SLCO3A1: variants seen among roughly 807,000 people sequenced by gnomAD.
SLCO3A1 encodes the protein solute carrier organic anion transporter family member 3A1, also known as PGE1 transporter.
In SLCO3A1, 27 loss-of-function variants were observed where a neutral mutation model predicts 63.1. The ratio of observed to expected loss-of-function variants is 0.43; its 90% CI spans 0.32 to 0.59. The LOEUF (loss-of-function observed/expected upper bound fraction) is 0.59. Ranked by LOEUF, SLCO3A1 falls within the 20% of genes least tolerant of loss-of-function variation. SLCO3A1 has a pLI of 0.09. For missense variants in SLCO3A1, 773 were observed against 945.8 expected (o/e 0.82, Z 2.40); for synonymous variants, 473 against 409.9 (o/e 1.15, Z -1.86).
rs1201511305 is a variant in SLCO3A1 at position 91,994,386 on chromosome 15, T to G, written c.646+77928T>G. ...TATGGATATATAGAGATGTTTAAAT[T>G]ACTAGCCCAAAGTCACAGTTGGTAA... On this transcript the variant is annotated intron_variant, in intron 2 of 9. Coordinates refer to ENST00000318445, the MANE Select transcript of SLCO3A1 (RefSeq NM_013272.4). Among the ~76,000 whole-genome samples, 4 of 152,206 alleles carry G rather than the reference T, an allele frequency of 2.6e-5. No individual in the cohort carries two copies. In the East Asian group the frequency reaches 7.7e-4, roughly 29 times the overall value.
At chr15:91,930,527 T>C (rs1161522495) in intron 2 of SLCO3A1, among the ~76,000 whole-genome samples, 2 of 152,188 alleles carry the variant, frequency 1.3e-5, no homozygotes, top group African/African-American at 4.8e-5. Context: ...GATTATAGTA[T>C]TGTATTTTTG....
At position 91,856,499 on chromosome 15, in the gene SLCO3A1, GA is replaced by G. The variant is rs1205929583; in HGVS notation, c.180+2418del. ...CTTCATCTGTTATTTGGGAGATGGGGAAAAAAAGTTTGCTCCTTCAGCCATG... is the reference window on the plus strand; with the variant it reads ...CTTCATCTGTTATTTGGGAGATGGGGAAAAAAGTTTGCTCCTTCAGCCATG... On this transcript the variant is annotated intron_variant, in intron 1 of 9. Transcript: ENST00000318445. The surrounding 1 kb of genome is among the most constrained non-coding windows in gnomAD (Gnocchi z 4.9). Among the ~76,000 whole-genome samples the G allele has an allele frequency of 6.6e-6, 1 of 152,098 alleles. No individual in the cohort carries two copies. Among genetic ancestry groups the G allele is most frequent in the Non-Finnish European group, 1.5e-5 (1 of 68,004 alleles).
chr15:92,128,122 A>G (rs538707871), intron 6 of SLCO3A1, among the ~76,000 whole-genome samples: 1 of 152,260 alleles, frequency 6.6e-6, no homozygotes, highest in South Asian at 2.1e-4. Flanking sequence ...AGCTGGCATC[A>G]TTGGCCAGGG....
chr15:92,004,587 A>G (rs2046292854), intron 2 of SLCO3A1, among the ~76,000 whole-genome samples: 2 of 152,186 alleles, frequency 1.3e-5, no homozygotes, highest in Admixed American at 1.3e-4. Context: ...AAAACCAAAG[A>G]TACTCACTCC....
At chr15:92,011,423 T>C (rs973650875) in intron 2 of SLCO3A1, among the ~76,000 whole-genome samples, 1 of 152,246 alleles carries the variant, frequency 6.6e-6, no homozygotes, top group Non-Finnish European at 1.5e-5. Flanking sequence ...TACTGTCACA[T>C]GTATGGAAAC....
At chr15:92,041,564 C>G (rs2046796796) in intron 2 of SLCO3A1, among the ~76,000 whole-genome samples, 1 of 152,170 alleles carries the variant, frequency 6.6e-6, no homozygotes, top group Admixed American at 6.5e-5. Flanking sequence ...TATGTGGTCT[C>G]TTCAACCCGT....
chr15:92,088,909 A>C (rs2047437171), intron 2 of SLCO3A1, among the ~76,000 whole-genome samples: 1 of 152,152 alleles, frequency 6.6e-6, no homozygotes, highest in African/African-American at 2.4e-5. Flanking sequence ...TAGTTGCCTT[A>C]AGGGATTGGG....
At chr15:91,869,935 T>A (rs1897249463) in intron 1 of SLCO3A1, among the ~76,000 whole-genome samples, 1 of 152,158 alleles carries the variant, frequency 6.6e-6, no homozygotes. Flanking sequence ...GCTTACCTCC[T>A]GGAGGAGCAG....
chr15:91,989,797 C>G (rs2046103702), intron 2 of SLCO3A1, among the ~76,000 whole-genome samples: 1 of 152,212 alleles, frequency 6.6e-6, no homozygotes, highest in South Asian at 2.1e-4. Context: ...CATCTGTCAT[C>G]TCCATTATAT....
intron 2 of SLCO3A1, among the ~76,000 whole-genome samples, chr15:92,082,293 T>C (rs16946351): frequency 0.2 from 30,562 of 152,092 alleles, 5,441 homozygotes; most frequent in African/African-American, 0.46. Context: ...CCTGCAGATT[T>C]AAGATGTGGC....
intron 1 of SLCO3A1, among the ~76,000 whole-genome samples, chr15:91,907,283 TGCACCTCTGCCACTGGGGTTCAA>T (rs1363200508): frequency 1.3e-5 from 2 of 152,074 alleles, no homozygotes; most frequent in Non-Finnish European, 2.9e-5. Flanking sequence ...CTCAGCTCAC[TGCACCTCTGCCACTGGGGTTCAA>T]GCAATTCTCC....
In SLCO3A1 at chr15:91,853,769, G is replaced by C; in HGVS notation, c.-140G>C. The C allele has an allele frequency of 1.2e-6, 1 of 851,910 alleles. No individual in the cohort carries two copies. 52.8% of individuals were successfully genotyped at this position (851,910 alleles called of 1,614,324 possible). On this transcript the variant is annotated 5_prime_UTR_variant, in exon 1 of 10. Transcript: ENST00000318445. Reference sequence around the variant, plus strand: ...GCCTTCCACCTCTCCAGCCCCGGCAGGACGGGGGCGGCCGCCGCGAACCCG... The same window carrying C: ...GCCTTCCACCTCTCCAGCCCCGGCACGACGGGGGCGGCCGCCGCGAACCCG...
chr15:92,000,247 A>T (rs897446376), intron 2 of SLCO3A1, among the ~76,000 whole-genome samples: 2 of 152,204 alleles, frequency 1.3e-5, no homozygotes, highest in African/African-American at 4.8e-5. Flanking sequence ...ATTCATGTAT[A>T]CATACAAGCA....
intron 4 of SLCO3A1, among the ~76,000 whole-genome samples, chr15:92,117,655 CTTG>C (rs765927210): frequency 9.9e-5 from 15 of 152,172 alleles, no homozygotes; most frequent in African/African-American, 2.4e-4. Flanking sequence ...CATTGTGAAA[CTTG>C]TTGTTGTGTG....
intron 1 of SLCO3A1, among the ~76,000 whole-genome samples, chr15:91,873,243 A>G (rs1897320126): frequency 6.6e-6 from 1 of 152,196 alleles, no homozygotes; most frequent in Admixed American, 6.5e-5. Context: ...AGAGCCATCT[A>G]TTTACTGTGG....
rs552257720 is a variant in SLCO3A1 at position 92,160,888 on chromosome 15, C to CA, written c.1754-1867dup. Among the ~76,000 whole-genome samples the CA allele has an allele frequency of 1.5e-4, 23 of 152,322 alleles. No individual in the cohort carries two copies. The South Asian group carries it at 4.8e-3, about 32-fold the overall frequency. On this transcript the variant is annotated intron_variant, in intron 9 of 9. Coordinates refer to ENST00000318445, the MANE Select transcript of SLCO3A1 (RefSeq NM_013272.4). Reference sequence around the variant, plus strand: ...TGGAGGTGCTGCTGTGCTTATAATGCACATGCTGTTATTCCAGCAATCATG... The same window carrying CA: ...TGGAGGTGCTGCTGTGCTTATAATGCAACATGCTGTTATTCCAGCAATCATG...
chr15:91,926,567 G>GTA (rs1474948535), intron 2 of SLCO3A1, among the ~76,000 whole-genome samples: 4 of 91,594 alleles, frequency 4.4e-5, no homozygotes, highest in Non-Finnish European at 6.9e-5. Context: ...CCGTGTGTGT[G>GTA]TGTGTGTGTG....
chr15:91,892,598 G>T (rs1371380990), intron 1 of SLCO3A1, among the ~76,000 whole-genome samples: 1 of 152,190 alleles, frequency 6.6e-6, no homozygotes, highest in Non-Finnish European at 1.5e-5. Flanking sequence ...GCATGGAGTG[G>T]AGCTCTTATC....
At chr15:92,007,509 G>C (rs1339189802) in intron 2 of SLCO3A1, among the ~76,000 whole-genome samples, 2 of 152,154 alleles carry the variant, frequency 1.3e-5, no homozygotes, top group African/African-American at 4.8e-5. Context: ...CACTGAATAG[G>C]GATAGTGTGG....
Sources: allele counts gnomAD v4.1 joint callset (sites outside exome capture counted in the v4.1 genomes callset), GRCh38; gene constraint gnomAD v4.1.1; non-coding constraint Gnocchi (gnomAD v3.1); transcripts MANE v1.5; gene names NCBI Gene and HGNC (gene_info 2026-07-23, HGNC 2026-07-21).